Variants in NT5M observed in about 807,000 individuals in gnomAD.
NT5M encodes 5'(3')-deoxyribonucleotidase, mitochondrial.
Under a neutral mutation model 22.2 loss-of-function variants are expected in NT5M, and 22 were observed. That is an observed-to-expected ratio of 0.99 (90% CI 0.71 to 1.41). The LOEUF (loss-of-function observed/expected upper bound fraction) is 1.41. Ranked by LOEUF, NT5M falls within the 40% of genes most tolerant of loss-of-function variation. The probability of loss-of-function intolerance (pLI) is 0.00; values close to 1 mark genes in which losing one functional copy is unlikely to be tolerated. For synonymous variants in NT5M, 167 were observed against 133.0 expected (o/e 1.26, Z -1.76); for missense variants, 322 against 314.8 (o/e 1.02, Z -0.17).
chr17:17,338,263 GC>G (rs2049560418), intron 3 of NT5M, among the ~76,000 whole-genome samples: 1 of 151,874 alleles, frequency 6.6e-6, no homozygotes, highest in African/African-American at 2.4e-5. Context: ...CACCATCTCG[GC>G]TCACTGCAAT....
At chr17:17,324,184 T>C (rs958894137) in intron 3 of NT5M, among the ~76,000 whole-genome samples, 2 of 149,538 alleles carry the variant, frequency 1.3e-5, no homozygotes, top group Non-Finnish European at 3.0e-5. Flanking sequence ...CTGGATTCCA[T>C]ATTTAAATGA....
At chr17:17,306,026 C>T (rs763747148) in intron 1 of NT5M, among the ~76,000 whole-genome samples, 10 of 152,014 alleles carry the variant, frequency 6.6e-5, no homozygotes, top group Admixed American at 1.3e-4. Context: ...CATATAAAAC[C>T]GATAAAAGCA....
At chr17:17,314,849 A>C (rs939355908) in intron 2 of NT5M, among the ~76,000 whole-genome samples, 1 of 152,184 alleles carries the variant, frequency 6.6e-6, no homozygotes, top group Non-Finnish European at 1.5e-5. Flanking sequence ...AGAACCGTGC[A>C]TGTTGCCTCC....
intron 3 of NT5M, among the ~76,000 whole-genome samples, chr17:17,338,863 A>G (rs1567899241): frequency 6.6e-6 from 1 of 151,460 alleles, no homozygotes; most frequent in Admixed American, 6.6e-5. Context: ...AGTAGCTGGG[A>G]CTACAGGCGC....
At chr17:17,321,179 G>T (rs1186988564) in intron 2 of NT5M, among the ~76,000 whole-genome samples, 2 of 151,396 alleles carry the variant, frequency 1.3e-5, no homozygotes, top group Non-Finnish European at 1.5e-5. Flanking sequence ...GTGCCAGCAC[G>T]TGTTTGAATG....
intron 2 of NT5M, among the ~76,000 whole-genome samples, chr17:17,322,308 CTG>C (rs1049300187): frequency 8.7e-4 from 133 of 152,166 alleles, no homozygotes; most frequent in African/African-American, 3.0e-3. Context: ...TCTCTGAAGT[CTG>C]TGGGGGATGA....
intron 2 of NT5M, among the ~76,000 whole-genome samples, chr17:17,312,147 T>A (rs557889482): frequency 9.2e-5 from 14 of 152,338 alleles, no homozygotes; most frequent in Admixed American, 5.2e-4. Flanking sequence ...ACATAGCAGG[T>A]GCTCAGCAAA....
chr17:17,318,540 C>T (rs977372787), intron 2 of NT5M, among the ~76,000 whole-genome samples: 5 of 145,196 alleles, frequency 3.4e-5, no homozygotes, highest in Non-Finnish European at 7.5e-5. Flanking sequence ...AATCCCAGCA[C>T]TTTGGGAGGC....
At chr17:17,313,775 C>T (rs1230624831) in intron 2 of NT5M, among the ~76,000 whole-genome samples, 1 of 152,172 alleles carries the variant, frequency 6.6e-6, no homozygotes, top group Non-Finnish European at 1.5e-5. Context: ...CGGGAGGCCA[C>T]GCCATTGTGC....
chr17:17,323,121 G>A lies in NT5M; in HGVS notation c.369-64G>A, dbSNP rs186421501. On this transcript the variant is annotated intron_variant, in intron 2 of 4. Coordinates refer to ENST00000389022, the MANE Select transcript of NT5M (RefSeq NM_020201.4). ...CAGCCCTGTGAAGGCAGGGCAGGTG[G>A]TGAAGGCCTCGGGGTGGTGAAGTCA... 18 of 1,358,176 alleles carry A rather than the reference G, an allele frequency of 1.3e-5. No individual in the cohort carries two copies. In the African/African-American group the frequency reaches 2.1e-4, roughly 16 times the overall value. 84.1% of individuals were successfully genotyped at this position (1,358,176 alleles called of 1,614,324 possible). A position where few individuals can be genotyped will look rare whatever the true frequency, so the allele number is the denominator to read the frequency against.
intron 2 of NT5M, among the ~76,000 whole-genome samples, chr17:17,318,906 T>C (rs1227475667): frequency 4.0e-5 from 6 of 151,580 alleles, no homozygotes. Context: ...TATTGTAGGA[T>C]TCTATTTATG....
At chr17:17,339,215 C>T (rs900551412) in intron 3 of NT5M, among the ~76,000 whole-genome samples, 2 of 136,642 alleles carry the variant, frequency 1.5e-5, no homozygotes, top group Non-Finnish European at 1.6e-5. Flanking sequence ...TGGGTTAATT[C>T]TTAGGTATTT....
In NT5M at chr17:17,319,233, T is replaced by G. The variant is rs575639129; in HGVS notation, c.369-3952T>G. Among the ~76,000 whole-genome samples the G allele has an allele frequency of 8.1e-4, 122 of 151,366 alleles. 2 individuals are homozygous for G. The highest frequency in any genetic ancestry group is 7.2e-4 in the Admixed American group (11 of 15,182). On this transcript the variant is annotated intron_variant, in intron 2 of 4. Coordinates refer to ENST00000389022, the MANE Select transcript of NT5M (RefSeq NM_020201.4). ...TCTTAGAAAAAAAAAAAAAAAAGTT[T>G]CTGAACAAGAGGCAAATCCTTAGAG...
At chr17:17,305,607 C>T (rs75737406) in intron 1 of NT5M, among the ~76,000 whole-genome samples, 12,999 of 152,062 alleles carry the variant, frequency 0.085, 665 homozygotes, top group South Asian at 0.12. Context: ...ATCCTCCGGC[C>T]GTCCATGTGA....
chr17:17,346,047 A>G (rs186855359), intron 4 of NT5M, among the ~76,000 whole-genome samples: 13 of 152,110 alleles, frequency 8.5e-5, no homozygotes, highest in Non-Finnish European at 1.6e-4. Context: ...TATACATTCT[A>G]TTTTTTTCCC....
intron 2 of NT5M, among the ~76,000 whole-genome samples, chr17:17,309,825 G>GTTTTT (rs200027700): frequency 7.2e-6 from 1 of 139,534 alleles, no homozygotes. Context: ...AACTTTTGTG[G>GTTTTT]TTTTTGTTTT....
intron 3 of NT5M, among the ~76,000 whole-genome samples, chr17:17,336,587 G>A (rs1482283645): frequency 7.3e-6 from 1 of 136,726 alleles, no homozygotes; most frequent in Non-Finnish European, 1.5e-5. Flanking sequence ...GTCTTACTCT[G>A]TCACCCAGGC....
chr17:17,323,376 G>A lies in NT5M; in HGVS notation c.429+131G>A, dbSNP rs538315880. The A allele has an allele frequency of 5.0e-5, 39 of 779,564 alleles. No individual in the cohort carries two copies. The African/African-American group carries it at 6.4e-4, about 13-fold the overall frequency. 48.3% of individuals were successfully genotyped at this position (779,564 alleles called of 1,614,324 possible). A position where few individuals can be genotyped will look rare whatever the true frequency, so the allele number is the denominator to read the frequency against. On this transcript the variant is annotated intron_variant, in intron 3 of 4. Transcript: ENST00000389022. ...CCCACCTCTGTGACAGCGGCTTTCT[G>A]CTCCCCAAGGACCTCTCCAGCCTGA...
intron 3 of NT5M, among the ~76,000 whole-genome samples, chr17:17,338,677 GTTTTTT>G (rs59650601): frequency 4.1e-5 from 3 of 73,220 alleles, no homozygotes; most frequent in Non-Finnish European, 7.5e-5. Context: ...AATGTTAAGG[GTTTTTT>G]TTTTTTTTTT....
Sources: gnomAD v4.1 joint callset for allele counts (sites outside exome capture counted in the v4.1 genomes callset) on GRCh38, gnomAD v4.1.1 for gene constraint, MANE v1.5 for transcripts, NCBI Gene and HGNC (gene_info 2026-07-23, HGNC 2026-07-21) for gene names.